The following PRPF3 variants were observed in gnomAD, a reference collection of about 807,000 sequenced individuals.
The protein encoded by PRPF3 is U4/U6 small nuclear ribonucleoprotein Prp3.
PRPF3 carries 3 observed loss-of-function variants against 89.2 expected under a neutral mutation model. The observed-to-expected ratio is 0.03, with a 90% CI of 0.02 to 0.09. The LOEUF is 0.09. Among genes scored for constraint, PRPF3 ranks in the 10% least tolerant of loss-of-function variants. The pLI is 1.00. For synonymous variants in PRPF3, 270 were observed against 289.1 expected, an observed-to-expected ratio of 0.93 and a Z score of 0.67; for missense variants, 463 against 828.8, an observed-to-expected ratio of 0.56 and a Z score of 5.42.
chr1:150,333,324 C>T, intron 6 of PRPF3, 125 bp downstream of exon 6: 1 of 1,083,180 alleles, frequency 9.2e-7, no homozygotes, highest in Non-Finnish European at 1.4e-6. Flanking sequence ...CTTTGGGAGG[C>T]TGAGGTAGGT....
At chr1:150,333,303 T>A in intron 6 of PRPF3, 104 bp downstream of exon 6, 1 of 1,272,400 alleles carries the variant, frequency 7.9e-7, no homozygotes, top group Non-Finnish European at 1.1e-6. Context: ...CTCAGGCCTG[T>A]AATCGTAGCA....
chr1:150,345,536 A>G (rs1319404391), intron 12 of PRPF3: 3 of 179,680 alleles, frequency 1.7e-5, no homozygotes, highest in African/African-American at 7.2e-5. Context: ...TTTTTAGTAG[A>G]GATGGGGTTT....
At chr1:150,332,857 A>C in intron 5 of PRPF3, 90 bp downstream of exon 5, 1 of 1,500,166 alleles carries the variant, frequency 6.7e-7, no homozygotes, top group Admixed American at 1.8e-5. Flanking sequence ...AGAGGTGACT[A>C]CATGTTTCAC....
In PRPF3 at chr1:150,335,245, T is replaced by C; in HGVS notation, c.1035+4T>C. ...TGCTCAGCGATTACGGACAAAGGTATCTGGCTTAGAGTATAACACAGAATT... is the reference window on the plus strand; with the variant it reads ...TGCTCAGCGATTACGGACAAAGGTACCTGGCTTAGAGTATAACACAGAATT... On this transcript the variant is annotated splice_donor_region_variant and intron_variant, in intron 7 of 15. Coordinates refer to ENST00000324862, the MANE Select transcript of PRPF3 (RefSeq NM_004698.4). 6.2e-7 allele frequency: 1 copy of C among 1,613,248 alleles called. No individual in the cohort carries two copies. The highest frequency in any genetic ancestry group is 2.2e-5 in the East Asian group (1 of 44,880).
intron 12 of PRPF3, 142 bp from the exon 13 acceptor site, chr1:150,345,876 T>C (rs1553872798): frequency 1.3e-6 from 1 of 758,046 alleles, no homozygotes. Context: ...CTCTACCTTT[T>C]AAGCATTCAT....
chr1:150,340,080 C>T (rs1282667575), intron 8 of PRPF3, among the ~76,000 whole-genome samples: 2 of 152,126 alleles, frequency 1.3e-5, no homozygotes, highest in South Asian at 2.1e-4. Context: ...TTCGTTGCCC[C>T]TTCTTTGTCA....
intron 4 of PRPF3, among the ~76,000 whole-genome samples, chr1:150,328,807 C>T (rs1217503423): frequency 6.6e-6 from 1 of 151,702 alleles, no homozygotes; most frequent in African/African-American, 2.4e-5. Flanking sequence ...CTCACCTTGG[C>T]CTCTCAGAGT....
rs976005946 is a variant in PRPF3 at position 150,345,839 on chromosome 1, G to C, written c.1641-179G>C. ...TGCTAGACTTTGAAGAAATGTAAGA[G>C]TGTGGAAATATTTCTAGACTCATCA... On this transcript the variant is annotated intron_variant, in intron 12 of 15. Transcript: ENST00000324862. The C allele has an allele frequency of 1.9e-4, 132 of 687,636 alleles. No homozygotes were observed. The African/African-American group carries it at 2.1e-3, about 11-fold the overall frequency. 42.6% of individuals were successfully genotyped at this position (687,636 alleles called of 1,614,324 possible).
In PRPF3 at chr1:150,348,460, A is replaced by ATTT. The variant is rs1185909509; in HGVS notation, c.1844-680_1844-678dup. On this transcript the variant is annotated intron_variant, in intron 14 of 15. Coordinates refer to ENST00000324862, the MANE Select transcript of PRPF3 (RefSeq NM_004698.4). ...AAAAAATATTTTGTTCTACACGTGC[A>ATTT]TTTTTTTTTTTTTTTTTTTGAGATG... Among the ~76,000 whole-genome samples the ATTT allele has an allele frequency of 1.1e-3, 53 of 48,464 alleles. 2 individuals are homozygous for ATTT. Among genetic ancestry groups the ATTT allele is most frequent in the Middle Eastern group, 0.014 (1 of 72 alleles). The allele number at this position is 48,464 out of a possible 152,430, so 31.8% of individuals were successfully genotyped here.
At chr1:150,348,916 A>C in intron 14 of PRPF3, 1 of 518,570 alleles carries the variant, frequency 1.9e-6, no homozygotes, top group Non-Finnish European at 3.5e-6. Context: ...TATTCCCAGT[A>C]CCTGGTGGAG....
At chr1:150,333,284 G>A in intron 6 of PRPF3, 85 bp downstream of exon 6, 1 of 1,438,262 alleles carries the variant, frequency 7.0e-7, no homozygotes, top group South Asian at 1.2e-5. Flanking sequence ...ATCTGGCTGG[G>A]CGCAGTGCCT....
At chr1:150,346,241 C>T in intron 13 of PRPF3, 105 bp downstream of exon 13, 1 of 1,248,468 alleles carries the variant, frequency 8.0e-7, no homozygotes, top group Non-Finnish European at 1.2e-6. Flanking sequence ...TAGTGCCATA[C>T]CTGATATAAT....
chr1:150,352,691 G>A (rs900152150), intron 15 of PRPF3, 142 bp from the exon 16 acceptor site: 2 of 860,648 alleles, frequency 2.3e-6, no homozygotes, highest in Non-Finnish European at 3.7e-6. Context: ...CCAAGGAAAT[G>A]GAGGTCACAA....
intron 9 of PRPF3, among the ~76,000 whole-genome samples, chr1:150,342,322 GTGAGC>G (rs1657834815): frequency 1.3e-5 from 2 of 151,900 alleles, no homozygotes; most frequent in Non-Finnish European, 2.9e-5. Context: ...AGAGCTTGCA[GTGAGC>G]TGAGATTGCG....
At chr1:150,326,276 G>C (rs1023057019) in intron 3 of PRPF3, among the ~76,000 whole-genome samples, 2 of 152,038 alleles carry the variant, frequency 1.3e-5, no homozygotes, top group African/African-American at 4.8e-5. Context: ...ACACCTCATT[G>C]TTGCCTCTTT....
At chr1:150,328,260 A>G (rs1655934985) in intron 3 of PRPF3, 60 bp from the exon 4 acceptor site, 1 of 1,600,586 alleles carries the variant, frequency 6.2e-7, no homozygotes, top group Non-Finnish European at 8.6e-7. Context: ...GGCTAGGATA[A>G]TTCTTCCCTT....
At chr1:150,329,357 T>G (rs1186725268) in intron 4 of PRPF3, among the ~76,000 whole-genome samples, 1 of 152,108 alleles carries the variant, frequency 6.6e-6, no homozygotes, top group Non-Finnish European at 1.5e-5. Context: ...ATTTCCTGCT[T>G]TATGTTTTAG....
chr1:150,330,590 C>T (rs1553865179), intron 4 of PRPF3: 1 of 149,710 alleles, frequency 6.7e-6, no homozygotes, highest in Non-Finnish European at 1.5e-5. Context: ...CTCCTGACCT[C>T]GTGATCCACC....
At position 150,324,878 on chromosome 1, in the gene PRPF3, C is replaced by T. The variant is rs1480540727; in HGVS notation, c.-48-17C>T. On this transcript the variant is annotated splice_polypyrimidine_tract_variant and intron_variant, in intron 1 of 15. Coordinates refer to ENST00000324862, the MANE Select transcript of PRPF3 (RefSeq NM_004698.4). ...AGTCTTTTCTTATTCTCTAACTTGT[C>T]TCTTTTTTTTTTTTAGGTGTAGTAT... 3.1e-6 allele frequency: 2 copies of T among 640,348 alleles called. No homozygotes were observed. The highest frequency in any genetic ancestry group is 2.3e-6 in the Non-Finnish European group (1 of 429,720). 39.7% of individuals were successfully genotyped at this position (640,348 alleles called of 1,614,324 possible).
Sources: gnomAD v4.1 joint callset for allele counts (sites outside exome capture counted in the v4.1 genomes callset) on GRCh38, gnomAD v4.1.1 for gene constraint, MANE v1.5 for transcripts, NCBI Gene and HGNC (gene_info 2026-07-23, HGNC 2026-07-21) for gene names.